AGBL1: variants seen among roughly 807,000 people sequenced by gnomAD.
The protein encoded by AGBL1 is cytosolic carboxypeptidase 4.
AGBL1 carries 130 observed loss-of-function variants against 118.9 expected under a neutral mutation model. The ratio of observed to expected loss-of-function variants is 1.09; its 90% CI spans 0.95 to 1.26. The LOEUF (loss-of-function observed/expected upper bound fraction) is 1.26. Ranked by LOEUF, AGBL1 falls within the 50% of genes most tolerant of loss-of-function variation. The probability of loss-of-function intolerance (pLI) is 0.00; values close to 1 mark genes in which losing one functional copy is unlikely to be tolerated. For synonymous variants in AGBL1, 555 were observed against 478.9 expected, an observed-to-expected ratio of 1.16 and a Z score of -2.08; for missense variants, 1,584 against 1,298.1, an observed-to-expected ratio of 1.22 and a Z score of -3.38.
At chr15:86,808,178 G>T (rs576810242) in intron 22 of AGBL1, among the ~76,000 whole-genome samples, 1 of 152,170 alleles carries the variant, frequency 6.6e-6, no homozygotes, top group East Asian at 1.9e-4. Flanking sequence ...ACCTTTCTGA[G>T]AAATAAAGCT....
At chr15:86,188,165 A>G (rs1348531648) in intron 5 of AGBL1, among the ~76,000 whole-genome samples, 1 of 152,156 alleles carries the variant, frequency 6.6e-6, no homozygotes, top group Non-Finnish European at 1.5e-5. Context: ...ACATTTCCTG[A>G]TTCAGAGGTT....
chr15:86,618,400 G>C (rs1203890670), intron 21 of AGBL1, among the ~76,000 whole-genome samples: 1 of 152,110 alleles, frequency 6.6e-6, no homozygotes, highest in African/African-American at 2.4e-5. Flanking sequence ...AGGTGATAAA[G>C]CAAACGGAGC....
chr15:86,545,749 C>T (rs745478749), intron 19 of AGBL1, among the ~76,000 whole-genome samples: 2 of 152,126 alleles, frequency 1.3e-5, no homozygotes, highest in Non-Finnish European at 2.9e-5. Context: ...TGCGTTTCTT[C>T]GTATTCTATT....
chr15:86,818,131 G>A (rs568780555), intron 22 of AGBL1, among the ~76,000 whole-genome samples: 31 of 152,150 alleles, frequency 2.0e-4, no homozygotes, highest in Middle Eastern at 3.4e-3. Flanking sequence ...ACACACATGC[G>A]CGTGAGAGAG....
At chr15:86,988,088 C>A (rs1043061293) in exon 24 of AGBL1, 1 of 1,613,292 alleles carries the variant, frequency 6.2e-7, no homozygotes, top group Non-Finnish European at 8.5e-7. Context: ...CATGTCTCCC[C>A]GTGAGTATGT....
intron 22 of AGBL1, among the ~76,000 whole-genome samples, chr15:86,811,721 G>A (rs12591457): frequency 0.34 from 50,973 of 151,954 alleles, 9,615 homozygotes; most frequent in Admixed American, 0.44. Flanking sequence ...AAATACCACT[G>A]TAAATACAAA....
chr15:86,684,989 CTA>C (rs2086028610), intron 22 of AGBL1, among the ~76,000 whole-genome samples: 1 of 152,120 alleles, frequency 6.6e-6, no homozygotes, highest in Non-Finnish European at 1.5e-5. Context: ...AGAAGCCTTA[CTA>C]GTGCATGGGT....
exon 25 of AGBL1, chr15:87,028,847 T>A: frequency 1.2e-6 from 2 of 1,603,940 alleles, no homozygotes; most frequent in Non-Finnish European, 1.7e-6. Flanking sequence ...TTGATGAGGC[T>A]CCCTTCAAAT....
intron 22 of AGBL1, among the ~76,000 whole-genome samples, chr15:86,845,389 T>G (rs761330956): frequency 6.6e-6 from 1 of 152,152 alleles, no homozygotes; most frequent in South Asian, 2.1e-4. Flanking sequence ...GTACACTCTA[T>G]TGTTTACCGT....
At chr15:86,827,489 G>GTA (rs1218247459) in intron 22 of AGBL1, among the ~76,000 whole-genome samples, 95 of 3,302 alleles carry the variant, frequency 0.029, 15 homozygotes, top group Non-Finnish European at 0.035. Flanking sequence ...ATATATGTGT[G>GTA]TATATATATA....
chr15:86,314,872 T>C (rs12914785), intron 17 of AGBL1, among the ~76,000 whole-genome samples: 6,222 of 152,322 alleles, frequency 0.041, 163 homozygotes, highest in South Asian at 0.076. Context: ...GGCATTTTGA[T>C]AGAGTTGTAA....
chr15:86,505,115 A>G (rs758208480), intron 18 of AGBL1, among the ~76,000 whole-genome samples: 2 of 151,926 alleles, frequency 1.3e-5, no homozygotes, highest in Non-Finnish European at 2.9e-5. Flanking sequence ...TCTGAAAAAA[A>G]AATTAGTTAT....
rs115701231 is a variant in AGBL1, at chr15:86,465,137, A to G, written c.2556-57673A>G. Among the ~76,000 whole-genome samples, 244 of 152,302 alleles carry G rather than the reference A, an allele frequency of 1.6e-3. 1 individual carries two copies. The highest frequency in any genetic ancestry group is 5.6e-3 in the African/African-American group (231 of 41,564). ...GAACATCATAAATTGTCAAGATTTC[A>G]TGGACATTTGTTAGTTCCCCAAATT... On this transcript the variant is annotated intron_variant, in intron 18 of 22. Coordinates refer to ENST00000614907, the MANE Select transcript of AGBL1 (RefSeq NM_001386094.1).
intron 23 of AGBL1, among the ~76,000 whole-genome samples, chr15:86,980,381 A>T (rs1348629252): frequency 6.6e-6 from 1 of 152,232 alleles, no homozygotes; most frequent in Non-Finnish European, 1.5e-5. Context: ...TCCAAAAAAT[A>T]GCATTGGCTG....
At chr15:87,001,214 CT>C (rs1185610658) in intron 24 of AGBL1, among the ~76,000 whole-genome samples, 3 of 150,292 alleles carry the variant, frequency 2.0e-5, no homozygotes, top group Non-Finnish European at 4.4e-5. Flanking sequence ...ATTGAATACC[CT>C]TTATTTCCTT....
At chr15:86,824,240 G>A (rs959171763) in intron 22 of AGBL1, among the ~76,000 whole-genome samples, 7 of 152,106 alleles carry the variant, frequency 4.6e-5, no homozygotes, top group African/African-American at 1.4e-4. Context: ...AGGTTATTAA[G>A]ATTGTAGAAT....
chr15:86,608,527 T>A (rs2084614152), intron 21 of AGBL1, among the ~76,000 whole-genome samples: 1 of 152,150 alleles, frequency 6.6e-6, no homozygotes, highest in Non-Finnish European at 1.5e-5. Context: ...AGTAAAATGC[T>A]TGGGTCCTGA....
chr15:86,729,913 T>G (rs1412941382), intron 22 of AGBL1, among the ~76,000 whole-genome samples: 4 of 152,224 alleles, frequency 2.6e-5, no homozygotes, highest in Non-Finnish European at 4.4e-5. Context: ...TTCTCTTTTC[T>G]CCACAACCTC....
At chr15:86,938,468 G>T (rs1421456970) in intron 23 of AGBL1, among the ~76,000 whole-genome samples, 2 of 152,178 alleles carry the variant, frequency 1.3e-5, no homozygotes, top group Non-Finnish European at 2.9e-5. Flanking sequence ...CCAAAGTGTT[G>T]TTCCCTAATG....
Sources: gnomAD v4.1 joint callset for allele counts (sites outside exome capture counted in the v4.1 genomes callset) on GRCh38, gnomAD v4.1.1 for gene constraint, MANE v1.5 for transcripts, NCBI Gene and HGNC (gene_info 2026-07-23, HGNC 2026-07-21) for gene names.